The following NCBP2L variants were observed in gnomAD, a reference collection of about 807,000 sequenced individuals.
NCBP2L encodes nuclear cap binding protein subunit 2 like, also known as nuclear cap-binding protein subunit 2-like.
For missense variants in NCBP2L, 95 were observed against 53.1 expected, an observed-to-expected ratio of 1.79 and a Z score of -2.45; for synonymous variants, 39 against 19.2, an observed-to-expected ratio of 2.04 and a Z score of -2.70.
chrX:107,782,354 T>A (rs78125331), intron 1 of NCBP2L, among the ~76,000 whole-genome samples: 1 of 38,736 alleles, frequency 2.6e-5, no homozygotes, highest in Non-Finnish European at 3.6e-5. Flanking sequence ...TATATATAAA[T>A]ATATATATAT....
intron 1 of NCBP2L, among the ~76,000 whole-genome samples, chrX:107,785,774 T>C (rs1930388311): frequency 9.0e-6 from 1 of 111,183 alleles, no homozygotes; most frequent in South Asian, 3.8e-4. Flanking sequence ...GTTTACTGAA[T>C]CTGGGGGCTG....
intron 1 of NCBP2L, among the ~76,000 whole-genome samples, chrX:107,788,437 A>G (rs1438580547): frequency 8.9e-6 from 1 of 112,629 alleles, no homozygotes; most frequent in Non-Finnish European, 1.9e-5. Flanking sequence ...CAATATTTCA[A>G]GACATTTGTC....
intron 1 of NCBP2L, among the ~76,000 whole-genome samples, chrX:107,792,696 C>T (rs762573080): frequency 8.9e-5 from 10 of 111,849 alleles, no homozygotes; most frequent in African/African-American, 3.3e-4. Context: ...CCCTGCAACA[C>T]ACACATATAC....
intron 1 of NCBP2L, among the ~76,000 whole-genome samples, chrX:107,791,630 G>T (rs1930454185): frequency 3.6e-5 from 4 of 112,241 alleles, no homozygotes; most frequent in African/African-American, 1.3e-4. Context: ...TCATTTCAAA[G>T]TCCCTCTTAT....
chrX:107,784,524 C>T, intron 1 of NCBP2L, among the ~76,000 whole-genome samples: 1 of 109,787 alleles, frequency 9.1e-6, no homozygotes, highest in Admixed American at 9.8e-5. Context: ...TACATTTTTT[C>T]AGATATAATG....
At chrX:107,780,121 C>A (rs1930246446) in intron 1 of NCBP2L, among the ~76,000 whole-genome samples, 1 of 111,052 alleles carries the variant, frequency 9.0e-6, no homozygotes, top group Non-Finnish European at 1.9e-5. Flanking sequence ...CTTTGAGAGG[C>A]CGGGGTGGGC....
intron 1 of NCBP2L, among the ~76,000 whole-genome samples, chrX:107,788,418 T>C (rs1193173832): frequency 8.9e-6 from 1 of 112,456 alleles, no homozygotes; most frequent in Non-Finnish European, 1.9e-5. Flanking sequence ...GGAGCAGAAA[T>C]AGCACTTTCA....
chrX:107,787,447 A>T (rs749014084), intron 1 of NCBP2L, among the ~76,000 whole-genome samples: 3 of 111,845 alleles, frequency 2.7e-5, no homozygotes, highest in African/African-American at 9.8e-5. Context: ...TGGTACATGG[A>T]TATATTGCAG....
intron 1 of NCBP2L, among the ~76,000 whole-genome samples, chrX:107,786,856 C>CTCTTT (rs776102079): frequency 4.5e-5 from 5 of 111,913 alleles, no homozygotes; most frequent in Admixed American, 9.5e-5. Flanking sequence ...TATCTGACCA[C>CTCTTT]TCTTTTCTTT....
At chrX:107,785,798 G>A (rs1930388711) in intron 1 of NCBP2L, among the ~76,000 whole-genome samples, 1 of 110,978 alleles carries the variant, frequency 9.0e-6, no homozygotes, top group Admixed American at 9.6e-5. Flanking sequence ...ACCAGGGTGT[G>A]GGAGTGAAGA....
chrX:107,782,269 AT>A (rs1930319025), intron 1 of NCBP2L, among the ~76,000 whole-genome samples: 1 of 27,701 alleles, frequency 3.6e-5, no homozygotes, highest in Non-Finnish European at 4.7e-5. Flanking sequence ...ATAAATATAT[AT>A]ATATAAATAT....
chrX:107,784,807 CAAAAAAAA>C (rs10550955), intron 1 of NCBP2L, among the ~76,000 whole-genome samples: 1 of 41,085 alleles, frequency 2.4e-5, no homozygotes, highest in Non-Finnish European at 5.0e-5. Flanking sequence ...CCCATCTCCA[CAAAAAAAA>C]AAAAAAAAAA....
intron 1 of NCBP2L, among the ~76,000 whole-genome samples, chrX:107,792,585 T>A (rs780292628): frequency 1.4e-4 from 16 of 112,076 alleles, no homozygotes; most frequent in Non-Finnish European, 2.3e-4. Flanking sequence ...TTTTATTTAA[T>A]CTTCCATTTC....
chrX:107,783,503 GCTGAAATTAC>G (rs1416901900), intron 1 of NCBP2L, among the ~76,000 whole-genome samples: 1 of 108,235 alleles, frequency 9.2e-6, no homozygotes, highest in Non-Finnish European at 1.9e-5. Context: ...CTCCCGAGTA[GCTGAAATTAC>G]AGGCACCTGC....
At chrX:107,778,272 A>G (rs996726980) in intron 1 of NCBP2L, among the ~76,000 whole-genome samples, 5 of 112,032 alleles carry the variant, frequency 4.5e-5, no homozygotes, top group Admixed American at 1.9e-4. Flanking sequence ...ATCTTTGTGC[A>G]TAACCTTGGG....
chrX:107,782,822 T>TATATAC (rs936784454), intron 1 of NCBP2L, among the ~76,000 whole-genome samples: 1 of 97,024 alleles, frequency 1.0e-5, no homozygotes. Context: ...TTTTATTTTA[T>TATATAC]ATATACATAT....
At chrX:107,786,265 G>T (rs1162189100) in intron 1 of NCBP2L, among the ~76,000 whole-genome samples, 1 of 111,605 alleles carries the variant, frequency 9.0e-6, no homozygotes, top group Non-Finnish European at 1.9e-5. Flanking sequence ...CAATTGTTTG[G>T]AAGGTGACAT....
chrX:107,778,998 G>A (rs765384256), intron 1 of NCBP2L, among the ~76,000 whole-genome samples: 1 of 111,394 alleles, frequency 9.0e-6, no homozygotes, highest in South Asian at 3.8e-4. Flanking sequence ...AGAAGAGAAG[G>A]ACAATCTAGG....
intron 1 of NCBP2L, among the ~76,000 whole-genome samples, chrX:107,783,370 TTTTTTTTTTA>T (rs1398796172): frequency 6.5e-5 from 6 of 92,108 alleles, no homozygotes; most frequent in Non-Finnish European, 8.8e-5. Flanking sequence ...TTTTTTTTTT[TTTTTTTTTTA>T]TTTTTTATTT....
Sources: allele counts gnomAD v4.1 joint callset (sites outside exome capture counted in the v4.1 genomes callset), GRCh38; gene constraint gnomAD v4.1.1; transcripts MANE v1.5; gene names NCBI Gene and HGNC (gene_info 2026-07-23, HGNC 2026-07-21).